The following FAM234A variants were observed in gnomAD, a reference collection of about 807,000 sequenced individuals.
FAM234A encodes the protein family with sequence similarity 234 member A.
Under a neutral mutation model 49.1 loss-of-function variants are expected in FAM234A, and 42 were observed. The ratio of observed to expected loss-of-function variants is 0.86; its 90% CI spans 0.67 to 1.11. The LOEUF is 1.11. Ranked by LOEUF, FAM234A falls within the 50% of genes least tolerant of loss-of-function variation. FAM234A has a pLI of 0.00. For missense variants in FAM234A, 815 were observed against 745.2 expected (o/e 1.09, Z -1.09); for synonymous variants, 369 against 316.2 (o/e 1.17, Z -1.77).
rs752568301 is a variant in FAM234A, at chr16:263,343, G to C, written c.1053G>C (p.Val351=). ...TTCTTGTGGGCTCAGAGGCCTTCGT[G>C]CTGCTGGACGGGCAGGAGCTGACGC... is the stretch of plus-strand genomic sequence containing the variant. ...DVLLVGSEAF[V]LLDGQELTPR... Residue 351 remains valine (V), a synonymous_variant, in exon 9 of 13, where the codon GTG becomes GTC. Coordinates refer to ENST00000399932, the MANE Select transcript of FAM234A (RefSeq NM_032039.4). 1.2e-6 allele frequency: 2 copies of C among 1,612,986 alleles called. No individual in the cohort carries two copies. The highest frequency in any genetic ancestry group is 1.1e-5 in the South Asian group (1 of 91,086).
chr16:244,183 T>C (rs531164478), intron 1 of FAM234A, among the ~76,000 whole-genome samples: 11 of 152,244 alleles, frequency 7.2e-5, no homozygotes, highest in South Asian at 2.1e-4. Context: ...TTAGCTAGGA[T>C]GGTCTCGATC....
chr16:251,942 A>G (rs9934955), intron 2 of FAM234A, among the ~76,000 whole-genome samples: 49,748 of 145,846 alleles, frequency 0.34, 12,068 homozygotes, highest in African/African-American at 0.68. Flanking sequence ...GGCAGAGCTT[A>G]CAGTGAGCCA....
At chr16:251,731 T>C (rs1323783406) in intron 2 of FAM234A, among the ~76,000 whole-genome samples, 3 of 124,280 alleles carry the variant, frequency 2.4e-5, no homozygotes, top group East Asian at 2.8e-4. Flanking sequence ...TGGCCAGGCG[T>C]GGTGGCTCAT....
chr16:254,323 C>A, intron 2 of FAM234A, 58 bp from the exon 3 acceptor site: 3 of 1,459,302 alleles, frequency 2.1e-6, no homozygotes, highest in Non-Finnish European at 1.9e-6. Context: ...CCCCTCTGTG[C>A]TGCAGCTTTG....
Position 265,255 on chromosome 16 carries a change from C to A in FAM234A, c.*233C>A. ...CCAGCATCCTCCCTGAGTCCCCACA[C>A]AGGGCCTCACTCTGCACCCCACCAG... On this transcript the variant is annotated 3_prime_UTR_variant, in exon 13 of 13. Coordinates refer to ENST00000399932, the MANE Select transcript of FAM234A (RefSeq NM_032039.4). The A allele has an allele frequency of 7.4e-7, 1 of 1,360,354 alleles. No individual in the cohort carries two copies. Among genetic ancestry groups the A allele is most frequent in the Non-Finnish European group, 9.5e-7 (1 of 1,057,984 alleles). 84.3% of individuals were successfully genotyped at this position (1,360,354 alleles called of 1,614,324 possible). A position where few individuals can be genotyped will look rare whatever the true frequency, so the allele number is the denominator to read the frequency against.
chr16:244,672 A>G (rs112880871), intron 1 of FAM234A, among the ~76,000 whole-genome samples: 396 of 147,404 alleles, frequency 2.7e-3, no homozygotes, highest in African/African-American at 9.3e-3. Context: ...GCTTCCCTGA[A>G]TGGTAACCTC....
intron 3 of FAM234A, among the ~76,000 whole-genome samples, chr16:255,894 C>G (rs1192704328): frequency 6.6e-6 from 1 of 152,220 alleles, no homozygotes; most frequent in African/African-American, 2.4e-5. Flanking sequence ...AACTCCCGAC[C>G]TCAGATGATC....
chr16:238,564 A>T (rs1248593786), intron 1 of FAM234A, among the ~76,000 whole-genome samples: 1 of 151,908 alleles, frequency 6.6e-6, no homozygotes, highest in African/African-American at 2.4e-5. Context: ...CAGGAGATCG[A>T]GACCATCCTG....
At chr16:244,560 T>G (rs1374306687) in intron 1 of FAM234A, among the ~76,000 whole-genome samples, 1 of 152,114 alleles carries the variant, frequency 6.6e-6, no homozygotes, top group Non-Finnish European at 1.5e-5. Context: ...TACTAACGGT[T>G]TTCTTTTCTC....
chr16:264,619 C>G lies in FAM234A; in HGVS notation c.1350C>G (p.Thr450=). Residue 450 remains threonine (T), a synonymous_variant, in exon 12 of 13, where the codon ACC becomes ACG. Transcript: ENST00000399932. ...ATTGCTGGTTCTCGCTCCAGGAGAC[C>G]GGGGAGGCCCGGCACAGCCTGTACA... The part of the protein sequence containing the change: ...HELGSTSETE[T]GEARHSLYMF... 1 of 1,608,440 alleles carries G rather than the reference C, an allele frequency of 6.2e-7. No individual in the cohort carries two copies. The highest frequency in any genetic ancestry group is 8.5e-7 in the Non-Finnish European group (1 of 1,178,124).
At chr16:239,731 C>A (rs1223430864) in intron 1 of FAM234A, among the ~76,000 whole-genome samples, 1 of 152,082 alleles carries the variant, frequency 6.6e-6, no homozygotes, top group African/African-American at 2.4e-5. Context: ...AAAACTTATT[C>A]TGTGTAATAG....
At chr16:268,619 C>T (rs902872120), downstream of FAM234A, 28 of 681,284 alleles carry the variant, frequency 4.1e-5, no homozygotes, top group East Asian at 2.4e-4. Context: ...GTCTATAAAT[C>T]GGGGGGGAGG....
chr16:266,312 C>T (rs1038093024), downstream of FAM234A, among the ~76,000 whole-genome samples: 27 of 152,308 alleles, frequency 1.8e-4, no homozygotes, highest in Middle Eastern at 3.4e-3. Context: ...TGGGGGTCTC[C>T]GGTTTGAGGA....
chr16:269,048 C>T (rs1285829850), downstream of FAM234A: 1 of 1,145,424 alleles, frequency 8.7e-7, no homozygotes, highest in Admixed American at 2.0e-5. Flanking sequence ...AATGAACCCC[C>T]TCCCTGGGAA....
intron 2 of FAM234A, among the ~76,000 whole-genome samples, chr16:252,224 C>T (rs1425145385): frequency 6.8e-6 from 1 of 147,384 alleles, no homozygotes; most frequent in Non-Finnish European, 1.5e-5. Flanking sequence ...CACTGTCGCC[C>T]AGGCTGGAGT....
At chr16:258,158 T>A (rs1321756265) in intron 3 of FAM234A, among the ~76,000 whole-genome samples, 1 of 150,748 alleles carries the variant, frequency 6.6e-6, no homozygotes, top group Non-Finnish European at 1.5e-5. Context: ...CCGGCCTATT[T>A]TTTTTTTTTT....
chr16:268,268 A>G (rs912989916), downstream of FAM234A: 2 of 225,524 alleles, frequency 8.9e-6, no homozygotes, highest in African/African-American at 4.5e-5. Flanking sequence ...TGCATGTGTC[A>G]CATGCACCGT....
chr16:261,341 G>T (rs2051456932), intron 5 of FAM234A, 43 bp from the exon 6 acceptor site: 1 of 1,588,434 alleles, frequency 6.3e-7, no homozygotes, highest in East Asian at 2.3e-5. Flanking sequence ...TGCTGTTGAA[G>T]GGGACTCAGG....
intron 2 of FAM234A, among the ~76,000 whole-genome samples, chr16:252,740 T>A (rs1240589719): frequency 1.3e-5 from 2 of 152,226 alleles, no homozygotes; most frequent in East Asian, 3.8e-4. Context: ...TATTATATAA[T>A]TAGGCAAAGA....
Sources: allele counts gnomAD v4.1 joint callset (sites outside exome capture counted in the v4.1 genomes callset), GRCh38; gene constraint gnomAD v4.1.1; transcripts MANE v1.5; gene names NCBI Gene and HGNC (gene_info 2026-07-23, HGNC 2026-07-21).